The following CADM2 variants were observed in gnomAD, a reference collection of about 807,000 sequenced individuals.
CADM2 encodes the protein cell adhesion molecule 2.
In CADM2, 12 loss-of-function variants were observed where a neutral mutation model predicts 49.8. The ratio of observed to expected loss-of-function variants is 0.24; its 90% confidence interval spans 0.15 to 0.39. The LOEUF (loss-of-function observed/expected upper bound fraction) is 0.39. Among genes scored for constraint, CADM2 ranks in the 10% least tolerant of loss-of-function variants. The pLI is 1.00. For missense variants in CADM2, 378 were observed against 492.3 expected, an observed-to-expected ratio of 0.77 and a Z score of 2.20; for synonymous variants, 214 against 175.4, an observed-to-expected ratio of 1.22 and a Z score of -1.74.
At chr3:85,431,124 G>A (rs966035831) in intron 1 of CADM2, among the ~76,000 whole-genome samples, 1 of 151,980 alleles carries the variant, frequency 6.6e-6, no homozygotes, top group Non-Finnish European at 1.5e-5. Context: ...TGTTACACTT[G>A]CCTACAATGT....
At chr3:85,108,457 T>C (rs2038330771) in intron 1 of CADM2, among the ~76,000 whole-genome samples, 2 of 152,112 alleles carry the variant, frequency 1.3e-5, no homozygotes, top group African/African-American at 2.4e-5. Flanking sequence ...CAACAATGCA[T>C]GATTCCACTT....
intron 1 of CADM2, among the ~76,000 whole-genome samples, chr3:85,512,260 A>G (rs1460506088): frequency 6.6e-6 from 1 of 152,102 alleles, no homozygotes; most frequent in Non-Finnish European, 1.5e-5. Flanking sequence ...AAGTGAGAAC[A>G]GGCTATATTT....
At chr3:85,882,901 TCA>T (rs1713026031) in intron 3 of CADM2, among the ~76,000 whole-genome samples, 1 of 152,032 alleles carries the variant, frequency 6.6e-6, no homozygotes, top group Non-Finnish European at 1.5e-5. Flanking sequence ...CCTGCAGCAG[TCA>T]CAGTTTACCA....
intron 1 of CADM2, among the ~76,000 whole-genome samples, chr3:85,024,417 A>C (rs1311426353): frequency 6.6e-6 from 1 of 152,100 alleles, no homozygotes; most frequent in East Asian, 1.9e-4. Flanking sequence ...CTGATTCTAG[A>C]GCTTATTCCC....
intron 1 of CADM2, among the ~76,000 whole-genome samples, chr3:85,049,327 G>GTTTGTTTATTTATTTA (rs373447374): frequency 3.8e-4 from 55 of 146,238 alleles, no homozygotes; most frequent in African/African-American, 1.1e-3. Context: ...TGCAGGTTTA[G>GTTTGTTTATTTATTTA]TTTATTTATT....
intron 1 of CADM2, among the ~76,000 whole-genome samples, chr3:85,008,332 A>C (rs2033837675): frequency 6.6e-6 from 1 of 152,152 alleles, no homozygotes; most frequent in Non-Finnish European, 1.5e-5. Flanking sequence ...CATTCACTTT[A>C]TTCCCAGTCA....
intron 8 of CADM2, among the ~76,000 whole-genome samples, chr3:86,028,213 A>T (rs1017235697): frequency 2.0e-5 from 3 of 150,882 alleles, no homozygotes; most frequent in South Asian, 2.2e-4. Context: ...AATAAATAAA[A>T]AAAAGAAGTC....
chr3:85,007,880 AAG>A (rs139905210), intron 1 of CADM2, among the ~76,000 whole-genome samples: 7 of 152,292 alleles, frequency 4.6e-5, no homozygotes, highest in African/African-American at 1.7e-4. Context: ...CACTTCTGTT[AAG>A]AACTGGAAAA....
intron 1 of CADM2, among the ~76,000 whole-genome samples, chr3:85,603,018 G>T (rs927782843): frequency 1.3e-5 from 2 of 151,698 alleles, no homozygotes; most frequent in Non-Finnish European, 2.9e-5. Context: ...TGTACACCAG[G>T]TTATAGTGTC....
rs1304792952 is a variant in CADM2 at position 86,005,136 on chromosome 3, T to C, written c.970+43489T>C. ...ATAAGACTCTGGAGGCAGTTATAAG[T>C]GGTTTTCTACTTGTGGCTCTGCTTT... On this transcript the variant is annotated intron_variant, in intron 8 of 9. Coordinates refer to ENST00000383699, the MANE Select transcript of CADM2 (RefSeq NM_001167675.2). Among the ~76,000 whole-genome samples, 4 of 152,250 alleles carry C rather than the reference T, an allele frequency of 2.6e-5. No individual in the cohort carries two copies. In the East Asian group the frequency reaches 5.8e-4, roughly 22 times the overall value.
chr3:85,008,012 A>G (rs1198973194), intron 1 of CADM2, among the ~76,000 whole-genome samples: 2 of 152,154 alleles, frequency 1.3e-5, no homozygotes, highest in Non-Finnish European at 2.9e-5. Flanking sequence ...ATAATTCATA[A>G]ATATTCCTAT....
intron 1 of CADM2, among the ~76,000 whole-genome samples, chr3:85,224,842 C>T (rs1480120335): frequency 6.6e-6 from 1 of 152,100 alleles, no homozygotes; most frequent in Non-Finnish European, 1.5e-5. Context: ...TTCCCAACAC[C>T]ATTTATTAAA....
chr3:86,031,944 T>C (rs1734604389), intron 8 of CADM2, among the ~76,000 whole-genome samples: 1 of 151,742 alleles, frequency 6.6e-6, no homozygotes, highest in Non-Finnish European at 1.5e-5. Context: ...ATTTATTAAA[T>C]GAGAAAGGAA....
chr3:85,634,927 C>A (rs1041398558), intron 1 of CADM2, among the ~76,000 whole-genome samples: 4 of 151,932 alleles, frequency 2.6e-5, no homozygotes, highest in African/African-American at 9.7e-5. Context: ...ATGTATTTAA[C>A]AATTCATTCT....
chr3:85,884,789 A>G (rs1372269276), intron 4 of CADM2, among the ~76,000 whole-genome samples: 1 of 146,222 alleles, frequency 6.8e-6, no homozygotes, highest in Non-Finnish European at 1.5e-5. Context: ...CAGTGGCGCC[A>G]TCTCAGCTCA....
At chr3:85,969,660 A>G (rs1376292536) in intron 8 of CADM2, among the ~76,000 whole-genome samples, 1 of 151,256 alleles carries the variant, frequency 6.6e-6, no homozygotes, top group African/African-American at 2.4e-5. Flanking sequence ...ATATGTATGC[A>G]TCTGTATATG....
At chr3:85,147,148 G>C (rs2039770723) in intron 1 of CADM2, among the ~76,000 whole-genome samples, 1 of 151,650 alleles carries the variant, frequency 6.6e-6, no homozygotes, top group African/African-American at 2.4e-5. Flanking sequence ...GGTGGCGGGC[G>C]CCTGTAGTCC....
intron 3 of CADM2, among the ~76,000 whole-genome samples, chr3:85,842,916 T>A (rs1292462029): frequency 1.3e-5 from 2 of 152,108 alleles, no homozygotes; most frequent in Non-Finnish European, 2.9e-5. Flanking sequence ...AGAGAGCAGA[T>A]TAAAAATATT....
intron 2 of CADM2, among the ~76,000 whole-genome samples, chr3:85,740,530 C>T (rs562006862): frequency 2.0e-5 from 3 of 151,822 alleles, no homozygotes; most frequent in Non-Finnish European, 2.9e-5. Flanking sequence ...TTATTTGCAC[C>T]GTCTGTCTTG....
Sources: gnomAD v4.1 joint callset for allele counts (sites outside exome capture counted in the v4.1 genomes callset) on GRCh38, gnomAD v4.1.1 for gene constraint, MANE v1.5 for transcripts, NCBI Gene and HGNC (gene_info 2026-07-23, HGNC 2026-07-21) for gene names.